PDLIM5: variants seen among roughly 807,000 people sequenced by gnomAD.
PDLIM5 encodes the protein PDZ and LIM domain protein 5.
A neutral mutation model predicts 64.2 loss-of-function variants in PDLIM5; 34 were observed. The observed-to-expected ratio is 0.53, with a 90% CI of 0.40 to 0.71. The LOEUF (loss-of-function observed/expected upper bound fraction) is 0.71. Ranked by LOEUF, PDLIM5 falls within the 30% of genes least tolerant of loss-of-function variation. The pLI, the probability that PDLIM5 is intolerant of heterozygous loss-of-function variation, is 0.00. For missense variants in PDLIM5, 683 were observed against 733.6 expected, an observed-to-expected ratio of 0.93 and a Z score of 0.80; for synonymous variants, 253 against 269.1, an observed-to-expected ratio of 0.94 and a Z score of 0.59.
At chr4:94,512,534 C>T (rs1299451257) in intron 2 of PDLIM5, among the ~76,000 whole-genome samples, 1 of 152,012 alleles carries the variant, frequency 6.6e-6, no homozygotes, top group Non-Finnish European at 1.5e-5. Context: ...GTGTTGAGCA[C>T]CTTTTCATAT....
At chr4:94,652,043 G>A (rs1741882998) in intron 9 of PDLIM5, among the ~76,000 whole-genome samples, 1 of 152,118 alleles carries the variant, frequency 6.6e-6, no homozygotes, top group South Asian at 2.1e-4. Context: ...TATTTTCCTT[G>A]GTCAGTTATT....
intron 2 of PDLIM5, among the ~76,000 whole-genome samples, chr4:94,484,950 CAAT>C (rs1726181919): frequency 6.6e-6 from 1 of 152,032 alleles, no homozygotes; most frequent in Admixed American, 6.6e-5. Context: ...AGTAATTGGA[CAAT>C]AAGTTGTCAT....
chr4:94,566,367 T>C (rs908106419), intron 3 of PDLIM5, among the ~76,000 whole-genome samples: 1 of 152,228 alleles, frequency 6.6e-6, no homozygotes, highest in African/African-American at 2.4e-5. Flanking sequence ...TGCTTATCTC[T>C]AGGTTTTTTT....
intron 7 of PDLIM5, chr4:94,587,935 C>G (rs1423543005): frequency 5.1e-6 from 5 of 975,672 alleles, no homozygotes; most frequent in Non-Finnish European, 6.1e-6. Context: ...AAATATTTTA[C>G]TTAGTGACGT....
At chr4:94,662,575 T>C (rs771393587) in intron 12 of PDLIM5, 38 bp downstream of exon 12, 1 of 891,192 alleles carries the variant, frequency 1.1e-6, no homozygotes, top group Non-Finnish European at 1.9e-6. Context: ...AGGGGTATAG[T>C]ATGGCCAATT....
chr4:94,573,302 TA>T (rs747638126), intron 3 of PDLIM5, 48 bp from the exon 4 acceptor site: 65 of 1,482,850 alleles, frequency 4.4e-5, no homozygotes, highest in Non-Finnish European at 5.7e-5. Flanking sequence ...TCTGCAAGTT[TA>T]TAAAAATTCA....
At chr4:94,548,708 C>T (rs1237146639) in intron 3 of PDLIM5, among the ~76,000 whole-genome samples, 8 of 152,144 alleles carry the variant, frequency 5.3e-5, no homozygotes, top group African/African-American at 1.9e-4. Context: ...AGGAATTCAT[C>T]TAATCTTCTT....
rs1736124154 is a variant in PDLIM5 at position 94,585,648 on chromosome 4, T to C, written c.794T>C (p.Ile265Thr). The C allele has an allele frequency of 6.2e-7, 1 of 1,612,626 alleles. No individual in the cohort carries two copies. The highest frequency in any genetic ancestry group is 8.5e-7 in the Non-Finnish European group (1 of 1,179,252). The part of the protein sequence containing the change: ...THSDASKKRL[I>T]EDTEDWRPRT... ...AGTGATGCCAGCAAGAAGAGACTGA[T>C]TGAGGATACTGAAGACTGGCGTCCA... The change falls in exon 6 of 13, where the codon ATT becomes ACT. Residue 265 changes from isoleucine (I) to threonine (T), a missense_variant. Coordinates refer to ENST00000317968, the MANE Select transcript of PDLIM5 (RefSeq NM_006457.5).
chr4:94,457,364 A>C (rs1723471071), intron 2 of PDLIM5, among the ~76,000 whole-genome samples: 1 of 152,194 alleles, frequency 6.6e-6, no homozygotes, highest in Admixed American at 6.5e-5. Context: ...AATGTAAAGC[A>C]TCCATGTGAA....
intron 5 of PDLIM5, among the ~76,000 whole-genome samples, chr4:94,580,218 A>G (rs1425141476): frequency 6.6e-6 from 1 of 152,186 alleles, no homozygotes; most frequent in Non-Finnish European, 1.5e-5. Flanking sequence ...ACATTAGATA[A>G]GAACTTAAAA....
intron 3 of PDLIM5, among the ~76,000 whole-genome samples, chr4:94,545,581 A>G (rs1017580297): frequency 6.6e-6 from 1 of 152,214 alleles, no homozygotes; most frequent in African/African-American, 2.4e-5. Context: ...TCCTAAGAAG[A>G]TATTCTTAAG....
At chr4:94,608,658 C>G (rs1738121582) in intron 7 of PDLIM5, among the ~76,000 whole-genome samples, 1 of 152,066 alleles carries the variant, frequency 6.6e-6, no homozygotes, top group Non-Finnish European at 1.5e-5. Flanking sequence ...CCTTTTCTTC[C>G]TGGAGAAGAA....
intron 1 of PDLIM5, among the ~76,000 whole-genome samples, chr4:94,452,974 A>G (rs1348002612): frequency 2.6e-5 from 4 of 152,074 alleles, no homozygotes; most frequent in Admixed American, 2.6e-4. Flanking sequence ...GAGAATCTCA[A>G]GATATTTCTC....
intron 2 of PDLIM5, among the ~76,000 whole-genome samples, chr4:94,479,977 A>G (rs999826118): frequency 3.3e-5 from 5 of 152,174 alleles, no homozygotes; most frequent in African/African-American, 1.2e-4. Flanking sequence ...GGGGAAGGAG[A>G]GAGAAGGAAA....
At chr4:94,503,793 T>G (rs1455578908) in intron 2 of PDLIM5, among the ~76,000 whole-genome samples, 1 of 152,230 alleles carries the variant, frequency 6.6e-6, no homozygotes, top group Non-Finnish European at 1.5e-5. Flanking sequence ...CCCTTTTATA[T>G]TCTCACTGTG....
intron 3 of PDLIM5, among the ~76,000 whole-genome samples, chr4:94,530,563 C>T (rs1011298240): frequency 1.4e-5 from 2 of 139,348 alleles, no homozygotes; most frequent in African/African-American, 2.9e-5. Context: ...TCTACTCTTC[C>T]TTGTTTTTAT....
At chr4:94,518,003 C>A (rs2639795) in intron 2 of PDLIM5, among the ~76,000 whole-genome samples, 124,976 of 152,140 alleles carry the variant, frequency 0.82, 51,447 homozygotes, top group East Asian at 0.92. Context: ...TCCAAGGAAA[C>A]GCAAATAGAG....
chr4:94,633,217 A>T (rs1740296669), intron 8 of PDLIM5, among the ~76,000 whole-genome samples: 1 of 152,176 alleles, frequency 6.6e-6, no homozygotes, highest in Non-Finnish European at 1.5e-5. Context: ...ATGAAACATG[A>T]TCAATTATGA....
intron 3 of PDLIM5, among the ~76,000 whole-genome samples, chr4:94,571,969 C>T (rs1166338054): frequency 6.6e-6 from 1 of 152,192 alleles, no homozygotes; most frequent in African/African-American, 2.4e-5. Flanking sequence ...ATTGCTACCT[C>T]TCATTAGGTT....
Sources: gnomAD v4.1 joint callset for allele counts (sites outside exome capture counted in the v4.1 genomes callset) on GRCh38, gnomAD v4.1.1 for gene constraint, MANE v1.5 for transcripts, NCBI Gene and HGNC (gene_info 2026-07-23, HGNC 2026-07-21) for gene names.